DNAH14: variants seen among roughly 807,000 people sequenced by gnomAD.
The protein encoded by DNAH14 is axonemal beta dynein heavy chain 14.
A neutral mutation model predicts 520.9 loss-of-function variants in DNAH14; 478 were observed. The ratio of observed to expected loss-of-function variants is 0.92; its 90% CI spans 0.85 to 0.99. DNAH14 has a LOEUF of 0.99. Ranked by LOEUF, DNAH14 falls within the 50% of genes least tolerant of loss-of-function variation. The probability of loss-of-function intolerance (pLI) is 0.00; values close to 1 mark genes in which losing one functional copy is unlikely to be tolerated. For synonymous variants in DNAH14, 1,581 were observed against 1,757.2 expected (o/e 0.90, Z 2.51); for missense variants, 4,831 against 5,234.5 (o/e 0.92, Z 2.38).
At chr1:225,230,655 A>G (rs183348909) in intron 41 of DNAH14, among the ~76,000 whole-genome samples, 4 of 152,266 alleles carry the variant, frequency 2.6e-5, no homozygotes, top group Non-Finnish European at 5.9e-5. Flanking sequence ...GTTTGTTTTA[A>G]TAAATTTGTT....
chr1:225,170,022 C>A (rs946409530), intron 36 of DNAH14, among the ~76,000 whole-genome samples: 5 of 152,122 alleles, frequency 3.3e-5, no homozygotes, highest in Non-Finnish European at 5.9e-5. Flanking sequence ...CCAAACTAAG[C>A]TCCATAAGTG....
At chr1:225,082,942 ATTAT>A (rs1043919654) in intron 20 of DNAH14, among the ~76,000 whole-genome samples, 1 of 152,172 alleles carries the variant, frequency 6.6e-6, no homozygotes, top group Admixed American at 6.5e-5. Context: ...TTATTCCATT[ATTAT>A]TTAGGTGATT....
intron 75 of DNAH14, 83 bp downstream of exon 75, chr1:225,360,974 T>C (rs976247373): frequency 1.6e-6 from 2 of 1,253,632 alleles, no homozygotes; most frequent in Admixed American, 2.3e-5. Context: ...ATGTATACTG[T>C]GTGTAAACAA....
chr1:225,052,269 A>G (rs1372050704), intron 17 of DNAH14, among the ~76,000 whole-genome samples: 2 of 152,106 alleles, frequency 1.3e-5, no homozygotes, highest in African/African-American at 4.8e-5. Context: ...CTCCTCTGGG[A>G]CCACAGTGGT....
rs1346714325 is a variant in DNAH14, at chr1:225,144,519, C to T, written c.4631C>T (p.Thr1544Ile). Residue 1544 changes from threonine (T) to isoleucine (I), a missense_variant, in exon 29 of 86, where the codon ACA (threonine) becomes ATA (isoleucine). By Grantham distance (89) the Thr-to-Ile change is moderately conservative. Transcript: ENST00000682510. ...CTSRLVITPL[T>I]DRCWLTLMEA... Reference sequence around the variant, plus strand: ...TCAAGATTGGTTATTACGCCTCTCACAGACCGATGCTGGCTGACTCTCATG... The same window carrying T: ...TCAAGATTGGTTATTACGCCTCTCATAGACCGATGCTGGCTGACTCTCATG... The T allele has an allele frequency of 6.4e-7, 1 of 1,551,396 alleles. No homozygotes were observed. The highest frequency in any genetic ancestry group is 8.7e-7 in the Non-Finnish European group (1 of 1,146,986).
intron 35 of DNAH14, among the ~76,000 whole-genome samples, chr1:225,164,072 G>T (rs1034198759): frequency 2.0e-5 from 3 of 152,090 alleles, no homozygotes; most frequent in Non-Finnish European, 4.4e-5. Flanking sequence ...ATTTTTCAGA[G>T]ATTTGATGTC....
Position 225,346,048 on chromosome 1 carries a change from A to G in DNAH14, c.10765A>G (p.Thr3589Ala). ...CGAAATTTCAAAGCGCATCGAAGCAACAAAAAAAGCTGAAAGTGAAATCCA... is the reference window on the plus strand; with the variant it reads ...CGAAATTTCAAAGCGCATCGAAGCAGCAAAAAAAGCTGAAAGTGAAATCCA... ...SNEISKRIEA[T>A]KKAESEIQAI... is the part of the protein sequence containing the mutation. The change falls in exon 70 of 86, where the codon ACA becomes GCA. Residue 3589 changes from threonine to alanine, a missense_variant. Thr to Ala is a moderately conservative substitution (Grantham distance 58). Transcript: ENST00000682510. 1 of 1,551,568 alleles carries G rather than the reference A, an allele frequency of 6.4e-7. No individual in the cohort carries two copies. The highest frequency in any genetic ancestry group is 8.7e-7 in the Non-Finnish European group (1 of 1,146,964).
intron 12 of DNAH14, among the ~76,000 whole-genome samples, chr1:225,040,610 T>G (rs1422771092): frequency 6.6e-6 from 1 of 152,240 alleles, no homozygotes; most frequent in African/African-American, 2.4e-5. Flanking sequence ...CCACTGTTGA[T>G]AGACATCTGG....
chr1:225,061,214 C>T (rs1424183470), intron 17 of DNAH14, among the ~76,000 whole-genome samples: 1 of 152,222 alleles, frequency 6.6e-6, no homozygotes, highest in East Asian at 1.9e-4. Flanking sequence ...TCGGCAATGG[C>T]AGGTGCCCCT....
intron 56 of DNAH14, 68 bp downstream of exon 56, chr1:225,301,098 C>G: frequency 7.0e-7 from 1 of 1,428,196 alleles, no homozygotes; most frequent in Non-Finnish European, 9.3e-7. Flanking sequence ...TAATTCTGTA[C>G]ATGATTTTCA....
At chr1:225,192,087 TG>T (rs2085511757) in intron 37 of DNAH14, among the ~76,000 whole-genome samples, 1 of 152,088 alleles carries the variant, frequency 6.6e-6, no homozygotes, top group Non-Finnish European at 1.5e-5. Context: ...TTGATGCATA[TG>T]GCTTTCAGAA....
chr1:224,960,369 TG>T, intron 4 of DNAH14, 67 bp downstream of exon 4: 1 of 1,406,394 alleles, frequency 7.1e-7, no homozygotes. Context: ...CTGTGGTTTG[TG>T]TGCTTATATT....
intron 28 of DNAH14, among the ~76,000 whole-genome samples, chr1:225,142,796 C>T (rs954004254): frequency 3.3e-5 from 5 of 152,042 alleles, no homozygotes; most frequent in African/African-American, 1.2e-4. Flanking sequence ...CGTGATGGTG[C>T]ACACCTGTAA....
intron 1 of DNAH14, among the ~76,000 whole-genome samples, chr1:224,946,915 CTTTTTTTTT>C (rs746576812): frequency 2.8e-5 from 3 of 108,258 alleles, no homozygotes; most frequent in African/African-American, 1.2e-4. Context: ...GTTTCATCTA[CTTTTTTTTT>C]TTTTTTTTTT....
intron 1 of DNAH14, among the ~76,000 whole-genome samples, chr1:224,943,201 G>C (rs1236766129): frequency 6.6e-6 from 1 of 152,206 alleles, no homozygotes; most frequent in African/African-American, 2.4e-5. Context: ...GGCCTATTCA[G>C]AGATTCAACT....
rs1458067891 is a variant in DNAH14 at position 225,206,960 on chromosome 1, A to C, written c.6187-8A>C. The C allele has an allele frequency of 1.5e-5, 22 of 1,469,218 alleles. No homozygotes were observed. The highest frequency in any genetic ancestry group is 2.0e-5 in the Non-Finnish European group (22 of 1,110,574). 91.0% of individuals were successfully genotyped at this position (1,469,218 alleles called of 1,614,324 possible). A position where few individuals can be genotyped will look rare whatever the true frequency, so the allele number is the denominator to read the frequency against. ...TACATAAGATTATATTTTGCTCCTT[A>C]TTATTAGGATCCTGTTGATCTGGGA... On this transcript the variant is annotated splice_polypyrimidine_tract_variant and splice_region_variant and intron_variant, in intron 40 of 85. Coordinates refer to ENST00000682510, the MANE Select transcript of DNAH14 (RefSeq NM_001367479.1).
At chr1:225,171,657 C>T (rs2082682243) in intron 36 of DNAH14, among the ~76,000 whole-genome samples, 1 of 152,140 alleles carries the variant, frequency 6.6e-6, no homozygotes, top group African/African-American at 2.4e-5. Context: ...AAGTCCAGGA[C>T]CAGACAGATT....
intron 17 of DNAH14, among the ~76,000 whole-genome samples, chr1:225,063,403 A>T (rs776765882): frequency 9.2e-5 from 14 of 152,130 alleles, no homozygotes; most frequent in Admixed American, 3.9e-4. Flanking sequence ...TTTTATTGTT[A>T]TAATTTTTTT....
chr1:225,097,221 A>G lies in DNAH14; in HGVS notation c.3677A>G (p.His1226Arg), dbSNP rs2075062333. The change falls in exon 22 of 86, where the codon CAT (histidine) becomes CGT (arginine). Residue 1226 changes from histidine (H) to arginine (R), a missense_variant. By Grantham distance (29) the His-to-Arg change is conservative. Transcript: ENST00000682510. ...RNWLYLEPVF[H>R]SSEIRRQLPA... is the part of the protein sequence containing the mutation. ...TGGCTTTATCTTGAACCAGTCTTTC[A>G]TTCTTCAGAAATACGAAGGTAAAAT... 2.6e-6 allele frequency: 4 copies of G among 1,550,432 alleles called. No individual in the cohort carries two copies. The highest frequency in any genetic ancestry group is 3.5e-6 in the Non-Finnish European group (4 of 1,146,358).
Sources: allele counts gnomAD v4.1 joint callset (sites outside exome capture counted in the v4.1 genomes callset), GRCh38; gene constraint gnomAD v4.1.1; transcripts MANE v1.5; gene names NCBI Gene and HGNC (gene_info 2026-07-23, HGNC 2026-07-21).